The following DAB1 variants were observed in gnomAD, a reference collection of about 807,000 sequenced individuals.
DAB1 encodes the protein disabled homolog 1.
In DAB1, 15 loss-of-function variants were observed where a neutral mutation model predicts 64.6. The observed-to-expected ratio is 0.23, with a 90% confidence interval of 0.16 to 0.36. The LOEUF is 0.36. Ranked by LOEUF, DAB1 falls within the 10% of genes least tolerant of loss-of-function variation. The pLI is 1.00. For missense variants in DAB1, 596 were observed against 706.7 expected (o/e 0.84, Z 1.78); for synonymous variants, 235 against 251.9 (o/e 0.93, Z 0.64).
chr1:57,112,497 T>C (rs140725343), intron 4 of DAB1, among the ~76,000 whole-genome samples: 78 of 152,248 alleles, frequency 5.1e-4, no homozygotes, highest in African/African-American at 1.8e-3. Context: ...AGAGTAACTA[T>C]GAATGAAGCT....
At chr1:57,731,641 C>A (rs180965124) in intron 6 of DAB1, among the ~76,000 whole-genome samples, 14 of 151,976 alleles carry the variant, frequency 9.2e-5, no homozygotes, top group South Asian at 2.1e-4. Context: ...CCCGTCTCTA[C>A]TAAATATACA....
chr1:57,382,666 G>A (rs926298050), intron 1 of DAB1, among the ~76,000 whole-genome samples: 2 of 152,032 alleles, frequency 1.3e-5, no homozygotes, highest in Non-Finnish European at 2.9e-5. Context: ...GCCAACAATG[G>A]TAAGTCCTTC....
intron 5 of DAB1, among the ~76,000 whole-genome samples, chr1:57,914,988 T>C (rs922223621): frequency 6.6e-6 from 1 of 152,092 alleles, no homozygotes; most frequent in African/African-American, 2.4e-5. Flanking sequence ...AAAATGTATC[T>C]TACTATGCTA....
intron 4 of DAB1, among the ~76,000 whole-genome samples, chr1:58,247,258 T>TCC (rs753824873): frequency 0.048 from 5,318 of 111,130 alleles, 211 homozygotes; most frequent in East Asian, 0.21. Context: ...ATTTTTCATT[T>TCC]CCCCCCCCGC....
chr1:57,399,631 A>G (rs1328053498), intron 1 of DAB1, among the ~76,000 whole-genome samples: 1 of 152,196 alleles, frequency 6.6e-6, no homozygotes, highest in African/African-American at 2.4e-5. Context: ...TCTTATCTAT[A>G]TATCTTAGAA....
At chr1:57,069,876 C>G (rs11206965) in intron 7 of DAB1, among the ~76,000 whole-genome samples, 1 of 152,032 alleles carries the variant, frequency 6.6e-6, no homozygotes, top group African/African-American at 2.4e-5. Context: ...AAGCCCCAAA[C>G]TCCTTTATCC....
At chr1:57,196,301 G>A (rs1426081585) in intron 2 of DAB1, among the ~76,000 whole-genome samples, 1 of 152,180 alleles carries the variant, frequency 6.6e-6, no homozygotes, top group Non-Finnish European at 1.5e-5. Flanking sequence ...TTTTATCTAC[G>A]TTAGCTCAGT....
intron 4 of DAB1, among the ~76,000 whole-genome samples, chr1:58,296,721 T>C (rs1364555131): frequency 3.3e-5 from 5 of 152,150 alleles, no homozygotes; most frequent in African/African-American, 4.8e-5. Context: ...AGTTGTTATG[T>C]TGGATTGTAG....
chr1:57,866,603 T>C (rs1654312196), intron 1 of DAB1, among the ~76,000 whole-genome samples: 1 of 152,166 alleles, frequency 6.6e-6, no homozygotes, highest in Non-Finnish European at 1.5e-5. Context: ...CAGAGGAAGT[T>C]ATTTTTCTTC....
At chr1:57,412,371 G>C (rs1048500925) in intron 1 of DAB1, among the ~76,000 whole-genome samples, 1 of 152,234 alleles carries the variant, frequency 6.6e-6, no homozygotes, top group African/African-American at 2.4e-5. Context: ...ATTAAGCTTA[G>C]TGGGGAAGGC....
chr1:58,495,774 C>A (rs1015400196), intron 3 of DAB1, among the ~76,000 whole-genome samples: 2 of 151,146 alleles, frequency 1.3e-5, no homozygotes, highest in African/African-American at 4.9e-5. Context: ...TGTTTTGTTT[C>A]TTTCCTCCAA....
At chr1:58,040,035 C>T (rs1256002645) in intron 5 of DAB1, among the ~76,000 whole-genome samples, 5 of 152,192 alleles carry the variant, frequency 3.3e-5, no homozygotes, top group Middle Eastern at 3.4e-3. Context: ...AAGGGGTGGG[C>T]AGCTGGGAGG....
At chr1:58,361,757 C>A (rs922710235) in intron 3 of DAB1, among the ~76,000 whole-genome samples, 3 of 151,976 alleles carry the variant, frequency 2.0e-5, no homozygotes, top group Non-Finnish European at 2.9e-5. Flanking sequence ...AACAGGAGAA[C>A]CCTAGTCTTA....
chr1:58,088,991 T>C (rs1189034352), intron 5 of DAB1, among the ~76,000 whole-genome samples: 1 of 152,248 alleles, frequency 6.6e-6, no homozygotes, highest in Admixed American at 6.5e-5. Context: ...AGAGGCATTG[T>C]GATACCTTAG....
At chr1:58,242,103 A>G (rs940797774) in intron 4 of DAB1, among the ~76,000 whole-genome samples, 14 of 152,130 alleles carry the variant, frequency 9.2e-5, no homozygotes, top group Non-Finnish European at 1.8e-4. Context: ...AATCCATGGT[A>G]TACTTGTTCC....
intron 5 of DAB1, among the ~76,000 whole-genome samples, chr1:58,035,051 T>G (rs1467886170): frequency 6.6e-6 from 1 of 151,928 alleles, no homozygotes; most frequent in Non-Finnish European, 1.5e-5. Flanking sequence ...CTCTTGGGAG[T>G]TCTGAGACAC....
At chr1:57,240,044 A>G (rs1271589023) in intron 2 of DAB1, among the ~76,000 whole-genome samples, 2 of 152,210 alleles carry the variant, frequency 1.3e-5, no homozygotes, top group African/African-American at 4.8e-5. Context: ...GCACAATGCA[A>G]TCCTCCAACC....
chr1:57,516,424 T>C (rs927971549), intron 7 of DAB1, among the ~76,000 whole-genome samples: 3 of 152,222 alleles, frequency 2.0e-5, no homozygotes, highest in Non-Finnish European at 4.4e-5. Flanking sequence ...AATTCACTAG[T>C]ATAGGAATGT....
At chr1:58,176,148 G>A (rs1016173197) in intron 4 of DAB1, among the ~76,000 whole-genome samples, 1 of 152,136 alleles carries the variant, frequency 6.6e-6, no homozygotes, top group Admixed American at 6.5e-5. Context: ...GTAGGCATTC[G>A]AGGGAGCCAT....
Sources: gnomAD v4.1 joint callset for allele counts (sites outside exome capture counted in the v4.1 genomes callset) on GRCh38, gnomAD v4.1.1 for gene constraint, MANE v1.5 for transcripts, NCBI Gene and HGNC (gene_info 2026-07-23, HGNC 2026-07-21) for gene names.